The following SHFL variants were observed in gnomAD, a reference collection of about 807,000 sequenced individuals.
SHFL encodes the protein shiftless antiviral inhibitor of ribosomal frameshifting protein.
Under a neutral mutation model 34.7 loss-of-function variants are expected in SHFL, and 12 were observed. The observed-to-expected ratio is 0.35, with a 90% confidence interval of 0.22 to 0.56. SHFL has a LOEUF of 0.56. SHFL is among the 20% of genes least tolerant of loss of function. SHFL has a pLI of 0.88. For missense variants in SHFL, 278 were observed against 411.1 expected, an observed-to-expected ratio of 0.68 and a Z score of 2.80; for synonymous variants, 148 against 156.0, an observed-to-expected ratio of 0.95 and a Z score of 0.38.
At position 10,092,730 on chromosome 19, in the gene SHFL, G is replaced by A; in HGVS notation, c.*428G>A. The A allele has an allele frequency of 6.2e-7, 1 of 1,613,040 alleles. No individual in the cohort carries two copies. The highest frequency in any genetic ancestry group is 8.5e-7 in the Non-Finnish European group (1 of 1,179,166). ...GCCACACACCGTTGAGGTTGGAGTG[G>A]GCACAGGCATGGTACCACCAGCCTC... On this transcript the variant is annotated 3_prime_UTR_variant, in exon 8 of 8. Coordinates refer to ENST00000253110, the MANE Select transcript of SHFL (RefSeq NM_018381.4).
Position 10,086,376 on chromosome 19 carries a change from GCGGCTGAGC to G in SHFL, c.-49_-41del, listed in dbSNP as rs2088283177. 7.9e-7 allele frequency: 1 copy of G among 1,271,428 alleles called. No individual in the cohort carries two copies. Among genetic ancestry groups the G allele is most frequent in the Non-Finnish European group, 1.0e-6 (1 of 1,001,544 alleles). The allele number at this position is 1,271,428 out of a possible 1,614,324, so 78.8% of individuals were successfully genotyped here. A position where few individuals can be genotyped will look rare whatever the true frequency, so the allele number is the denominator to read the frequency against. Reference sequence around the variant, plus strand: ...CCGACGGGCGCACCCAGGTAGGGGGGCGGCTGAGCCGCGCAGTGCGGACCCTCGCGGGGA... The same window carrying G: ...CCGACGGGCGCACCCAGGTAGGGGGGCGCGCAGTGCGGACCCTCGCGGGGA... On this transcript the variant is annotated 5_prime_UTR_variant, in exon 1 of 8. Coordinates refer to ENST00000253110, the MANE Select transcript of SHFL (RefSeq NM_018381.4). This position sits in a 1 kb window ranked among gnomAD's most constrained non-coding sequence, Gnocchi z 5.2.
At position 10,092,278 on chromosome 19, in the gene SHFL, C is replaced by A. The variant is rs373905984; in HGVS notation, c.852C>A (p.Asp284Glu). The A allele has an allele frequency of 6.3e-7, 1 of 1,589,694 alleles. No homozygotes were observed. The highest frequency in any genetic ancestry group is 1.1e-5 in the South Asian group (1 of 88,700). The change falls in exon 8 of 8, where the codon GAC becomes GAA. Residue 284 changes from aspartate (D) to glutamate (E), a missense_variant. Asp to Glu is a conservative substitution (Grantham distance 45). This residue lies in a region of SHFL where 35 missense variants were observed against 24.9 expected (regional missense o/e 1.41). Transcript: ENST00000253110. ...AGGAGGAAGAGGAGGAGGTGGAGGACGAGGAGGGCGGGCCCAGGGAGTGAC... is the reference window on the plus strand; with the variant it reads ...AGGAGGAAGAGGAGGAGGTGGAGGAAGAGGAGGGCGGGCCCAGGGAGTGAC... ...EEEEEEEEVE[D>E]EEGGPRE
Position 10,091,949 on chromosome 19 carries a change from G to C in SHFL, c.644-121G>C, listed in dbSNP as rs2088398896. 2 of 1,233,548 alleles carry C rather than the reference G, an allele frequency of 1.6e-6. No homozygotes were observed. The highest frequency in any genetic ancestry group is 2.6e-5 in the South Asian group (2 of 77,014). The allele number at this position is 1,233,548 out of a possible 1,614,324, so 76.4% of individuals were successfully genotyped here. On this transcript the variant is annotated intron_variant, in intron 7 of 7. Coordinates refer to ENST00000253110, the MANE Select transcript of SHFL (RefSeq NM_018381.4). This position sits in a 1 kb window ranked among gnomAD's most constrained non-coding sequence, Gnocchi z 8.2. ...TCAACACCCCTGAATGTCCAGTTGTGCTGGTCCCCGTATCTGGTGGTCTCA... is the reference window on the plus strand; with the variant it reads ...TCAACACCCCTGAATGTCCAGTTGTCCTGGTCCCCGTATCTGGTGGTCTCA...
At chr19:10,089,492 A>G in intron 3 of SHFL, 165 bp from the exon 4 acceptor site, 5 of 1,376,916 alleles carry the variant, frequency 3.6e-6, no homozygotes, top group Non-Finnish European at 5.1e-6. Flanking sequence ...TGCTATGAGG[A>G]CAACTGAGGC....
chr19:10,091,498 C>T lies in SHFL; in HGVS notation c.511C>T (p.Pro171Ser). 1 of 1,543,934 alleles carries T rather than the reference C, an allele frequency of 6.5e-7. No individual in the cohort carries two copies. The highest frequency in any genetic ancestry group is 8.8e-7 in the Non-Finnish European group (1 of 1,142,644). The part of the protein sequence containing the change: ...NFRGWAQMGS[P>S]SPCYGCGFPV... Reference sequence around the variant, plus strand: ...CAGGGGCTGGGCACAGATGGGGTCCCCGTCCCCCTGCTACGGGTGCGGCTT... The same window carrying T: ...CAGGGGCTGGGCACAGATGGGGTCCTCGTCCCCCTGCTACGGGTGCGGCTT... Residue 171 changes from proline to serine, a missense_variant, in exon 7 of 8, where the codon CCG becomes TCG. Physicochemically the swap from Pro to Ser is moderately conservative, Grantham distance 74. Transcript: ENST00000253110. The surrounding 1 kb of genome is among the most constrained non-coding windows in gnomAD (Gnocchi z 8.2).
chr19:10,088,030 G>A (rs2088316292), intron 3 of SHFL: 4 of 152,216 alleles, frequency 2.6e-5, no homozygotes, highest in East Asian at 1.9e-4. Flanking sequence ...GGAGGCCGAG[G>A]CGGGCGGATC....
rs368279366 is a variant in SHFL, at chr19:10,087,285, C to G, written c.180C>G (p.Asn60Lys). Reference sequence around the variant, plus strand: ...AAAAAGATGGCCAAGAACTAAGTAACGATCTGGATGCCCAGGTAACCTATC... The same window carrying G: ...AAAAAGATGGCCAAGAACTAAGTAAGGATCTGGATGCCCAGGTAACCTATC... ...VKQKDGQELSNDLDAQDPPED... is the reference protein window; with the variant it reads ...VKQKDGQELSKDLDAQDPPED... Residue 60 changes from asparagine (N) to lysine (K), a missense_variant, in exon 3 of 8, where the codon AAC (asparagine) becomes AAG (lysine). By Grantham distance (94) the Asn-to-Lys change is moderately conservative (BLOSUM62 0). Around this residue, in one of 2 missense-constraint regions of SHFL, gnomAD observed 243 missense variants for 386.2 expected, o/e 0.63. Coordinates refer to ENST00000253110, the MANE Select transcript of SHFL (RefSeq NM_018381.4). 1.9e-6 allele frequency: 3 copies of G among 1,613,930 alleles called. No individual in the cohort carries two copies. The highest frequency in any genetic ancestry group is 2.5e-6 in the Non-Finnish European group (3 of 1,179,902).
In SHFL at chr19:10,091,380, C is replaced by T. The variant is rs766062320; in HGVS notation, c.488+27C>T. 1.0e-5 allele frequency: 16 copies of T among 1,605,840 alleles called. No individual in the cohort carries two copies. The highest frequency in any genetic ancestry group is 1.2e-5 in the Non-Finnish European group (14 of 1,175,106). ...TGAGGGCGCTGACCCCCAGCTCCCC[C>T]TCAGCCCTGCCCTACCCCAGCCCTG... On this transcript the variant is annotated intron_variant, in intron 6 of 7. Coordinates refer to ENST00000253110, the MANE Select transcript of SHFL (RefSeq NM_018381.4). The surrounding 1 kb of genome is among the most constrained non-coding windows in gnomAD (Gnocchi z 8.2).
Position 10,092,359 on chromosome 19 carries a change from T to C in SHFL, c.*57T>C. ...GGTCTGTGGCTACTTTGTGTTATTA[T>C]AAGATATGAGCTCAAACCGAGATAT... On this transcript the variant is annotated 3_prime_UTR_variant, in exon 8 of 8. Coordinates refer to ENST00000253110, the MANE Select transcript of SHFL (RefSeq NM_018381.4). 6.5e-7 allele frequency: 1 copy of C among 1,543,942 alleles called. No homozygotes were observed. The highest frequency in any genetic ancestry group is 2.4e-5 in the East Asian group (1 of 40,968).
chr19:10,086,702 C>A lies in SHFL; in HGVS notation c.22-227C>A, dbSNP rs1227200900. Reference sequence around the variant, plus strand: ...AGGCCAGAGATAACCTGGCCGCCCCCCCACACCTTAGGCTGGGACGCTCGC... The same window carrying A: ...AGGCCAGAGATAACCTGGCCGCCCCACCACACCTTAGGCTGGGACGCTCGC... On this transcript the variant is annotated intron_variant, in intron 1 of 7. Transcript: ENST00000253110. The surrounding 1 kb of genome is among the most constrained non-coding windows in gnomAD (Gnocchi z 5.2). The A allele has an allele frequency of 1.6e-6, 1 of 613,788 alleles. No individual in the cohort carries two copies. The highest frequency in any genetic ancestry group is 2.8e-5 in the East Asian group (1 of 35,160). The allele number at this position is 613,788 out of a possible 1,614,324, so 38.0% of individuals were successfully genotyped here.
intron 3 of SHFL, chr19:10,089,345 A>G (rs1243659639): frequency 6.3e-7 from 1 of 1,598,420 alleles, no homozygotes; most frequent in Non-Finnish European, 8.5e-7. Context: ...ATATGTCACA[A>G]CATCAACAAG....
At position 10,093,224 on chromosome 19, in the gene SHFL, T is replaced by C; in HGVS notation, c.*922T>C. 7.7e-7 allele frequency: 1 copy of C among 1,302,796 alleles called. No individual in the cohort carries two copies. The highest frequency in any genetic ancestry group is 1.1e-6 in the Non-Finnish European group (1 of 945,308). 80.7% of individuals were successfully genotyped at this position (1,302,796 alleles called of 1,614,324 possible). A position where few individuals can be genotyped will look rare whatever the true frequency, so the allele number is the denominator to read the frequency against. On this transcript the variant is annotated 3_prime_UTR_variant, in exon 8 of 8. Transcript: ENST00000253110. ...CCTGACCTTTGTTCTCTTGACGGAA[T>C]AAAAGCTTGCTTATCCTTATACTTA...
At position 10,086,368 on chromosome 19, in the gene SHFL, G is replaced by A. The variant is rs1483703596; in HGVS notation, c.-60G>A. 8 of 1,264,058 alleles carry A rather than the reference G, an allele frequency of 6.3e-6. No homozygotes were observed. The highest frequency in any genetic ancestry group is 3.1e-5 in the African/African-American group (2 of 65,064). The allele number at this position is 1,264,058 out of a possible 1,614,324, so 78.3% of individuals were successfully genotyped here. ...CTGCTGGACCGACGGGCGCACCCAG[G>A]TAGGGGGGCGGCTGAGCCGCGCAGT... is the stretch of plus-strand genomic sequence containing the variant. On this transcript the variant is annotated 5_prime_UTR_variant, in exon 1 of 8. Transcript: ENST00000253110. The surrounding 1 kb of genome is among the most constrained non-coding windows in gnomAD (Gnocchi z 5.2).
Position 10,092,862 on chromosome 19 carries a change from C to T in SHFL, c.*560C>T. 8.6e-7 allele frequency: 1 copy of T among 1,157,232 alleles called. No homozygotes were observed. Among genetic ancestry groups the T allele is most frequent in the Non-Finnish European group, 1.2e-6 (1 of 843,162 alleles). 71.7% of individuals were successfully genotyped at this position (1,157,232 alleles called of 1,614,324 possible). ...CTCACAGTGCAAGGCTTTTGCCAGG[C>T]ATCCCCTGGCCCCTCCCATTCTTAT... On this transcript the variant is annotated 3_prime_UTR_variant, in exon 8 of 8. Transcript: ENST00000253110.
rs945891654 is a variant in SHFL at position 10,086,403 on chromosome 19, C to A, written c.-25C>A. 2.0e-5 allele frequency: 26 copies of A among 1,328,458 alleles called. No individual in the cohort carries two copies. In the East Asian group the frequency reaches 7.1e-4, roughly 36 times the overall value. 82.3% of individuals were successfully genotyped at this position (1,328,458 alleles called of 1,614,324 possible). On this transcript the variant is annotated 5_prime_UTR_variant, in exon 1 of 8. Coordinates refer to ENST00000253110, the MANE Select transcript of SHFL (RefSeq NM_018381.4). The surrounding 1 kb of genome is among the most constrained non-coding windows in gnomAD (Gnocchi z 5.2). The stretch of plus-strand genomic sequence containing the variant: ...GGCTGAGCCGCGCAGTGCGGACCCT[C>A]GCGGGGAACTGCGCCGCCGCCACCA...
At chr19:10,090,598 C>G (rs1599276274) in intron 5 of SHFL, among the ~76,000 whole-genome samples, 1 of 151,744 alleles carries the variant, frequency 6.6e-6, no homozygotes, top group East Asian at 2.0e-4. Context: ...CCACACTTGG[C>G]TAATTTTTGT....
rs1347744746 is a variant in SHFL at position 10,090,014 on chromosome 19, C to T, written c.351C>T (p.His117=). The T allele has an allele frequency of 4.4e-6, 7 of 1,606,578 alleles. No individual in the cohort carries two copies. The highest frequency in any genetic ancestry group is 5.9e-6 in the Non-Finnish European group (7 of 1,177,086). ...DRQFACSSCD[H]VWWRRVPQRK... ...AGTTTGCCTGCTCCTCCTGCGACCA[C>T]GTCTGGTGGCGCCGCGTGCCCCAGC... Residue 117 remains histidine (H), a synonymous_variant, in exon 5 of 8, where the codon CAC becomes CAT. Coordinates refer to ENST00000253110, the MANE Select transcript of SHFL (RefSeq NM_018381.4).
In SHFL at chr19:10,086,466, C is replaced by G; in HGVS notation, c.21+18C>G. 1 of 1,373,272 alleles carries G rather than the reference C, an allele frequency of 7.3e-7. No individual in the cohort carries two copies. Among genetic ancestry groups the G allele is most frequent in the Non-Finnish European group, 9.5e-7 (1 of 1,057,124 alleles). The allele number at this position is 1,373,272 out of a possible 1,614,324, so 85.1% of individuals were successfully genotyped here. Reference sequence around the variant, plus strand: ...GTGTGGAGGTAAGCGATGGCTACGGCTGGGCCGGGGTCAGCCGCGACAGAC... The same window carrying G: ...GTGTGGAGGTAAGCGATGGCTACGGGTGGGCCGGGGTCAGCCGCGACAGAC... On this transcript the variant is annotated intron_variant, in intron 1 of 7. Transcript: ENST00000253110. The surrounding 1 kb of genome is among the most constrained non-coding windows in gnomAD (Gnocchi z 5.2).
chr19:10,089,287 C>T, intron 3 of SHFL: 1 of 1,596,872 alleles, frequency 6.3e-7, no homozygotes, highest in South Asian at 1.1e-5. Flanking sequence ...GATTTGAACC[C>T]ACATCTCTCT....
Sources: allele counts gnomAD v4.1 joint callset (sites outside exome capture counted in the v4.1 genomes callset), GRCh38; gene constraint gnomAD v4.1.1; regional missense constraint gnomAD v4.1.1; non-coding constraint Gnocchi (gnomAD v3.1); transcripts MANE v1.5; gene names NCBI Gene and HGNC (gene_info 2026-07-23, HGNC 2026-07-21).